ZNF695: variants seen among roughly 807,000 people sequenced by gnomAD.
ZNF695 encodes the protein zinc finger protein SBZF3.
In ZNF695, 11 loss-of-function variants were observed where a neutral mutation model predicts 11.2. The observed-to-expected ratio is 0.98, with a 90% confidence interval of 0.62 to 1.62. The LOEUF (loss-of-function observed/expected upper bound fraction) is 1.62, where lower values mean the gene tolerates loss of function less well. Ranked by LOEUF, ZNF695 falls within the 40% of genes most tolerant of loss-of-function variation. The probability of loss-of-function intolerance (pLI) is 0.00; values close to 1 mark genes in which losing one functional copy is unlikely to be tolerated. For missense variants in ZNF695, 559 were observed against 590.5 expected, an observed-to-expected ratio of 0.95 and a Z score of 0.55; for synonymous variants, 190 against 201.4, an observed-to-expected ratio of 0.94 and a Z score of 0.48.
chr1:246,953,659 C>T (rs1262080928), intron 5 of ZNF695, among the ~76,000 whole-genome samples: 1 of 151,878 alleles, frequency 6.6e-6, no homozygotes, highest in African/African-American at 2.4e-5. Context: ...CGTAGTGGCT[C>T]ACGCCTGTAT....
intron 1 of ZNF695, among the ~76,000 whole-genome samples, chr1:247,002,718 G>C (rs932188174): frequency 2.6e-5 from 4 of 152,134 alleles, no homozygotes; most frequent in African/African-American, 9.7e-5. Flanking sequence ...AGGGGGCAGA[G>C]GTTGCGGTGA....
intron 4 of ZNF695, among the ~76,000 whole-genome samples, chr1:246,978,452 C>T (rs1168522969): frequency 6.6e-6 from 1 of 152,174 alleles, no homozygotes; most frequent in Non-Finnish European, 1.5e-5. Context: ...AATTGTGGTG[C>T]TTTAATTTGC....
At chr1:247,007,350 G>T (rs1430478105) in intron 1 of ZNF695, among the ~76,000 whole-genome samples, 1 of 151,960 alleles carries the variant, frequency 6.6e-6, no homozygotes, top group Admixed American at 6.6e-5. Flanking sequence ...ACAAAAATTA[G>T]CTGGGCGTGG....
At chr1:246,963,810 C>T (rs1213327539) in intron 5 of ZNF695, among the ~76,000 whole-genome samples, 1 of 152,134 alleles carries the variant, frequency 6.6e-6, no homozygotes, top group Non-Finnish European at 1.5e-5. Context: ...ACACTATGTA[C>T]CTGGAGTTAG....
At chr1:246,991,953 T>C (rs145597209) in intron 3 of ZNF695, among the ~76,000 whole-genome samples, 2,965 of 152,080 alleles carry the variant, frequency 0.019, 107 homozygotes, top group African/African-American at 0.067. Context: ...CCCAGCACTT[T>C]GGGAGGCCGA....
chr1:246,949,443 T>C (rs1667817936), intron 5 of ZNF695, among the ~76,000 whole-genome samples: 1 of 151,920 alleles, frequency 6.6e-6, no homozygotes, highest in Admixed American at 6.6e-5. Flanking sequence ...AGACAAAAAC[T>C]AGTCGGGCAT....
At position 246,987,238 on chromosome 1, in the gene ZNF695, T is replaced by C. The variant is rs758562932; in HGVS notation, c.1277A>G (p.His426Arg). The C allele has an allele frequency of 1.2e-6, 2 of 1,614,048 alleles. No individual in the cohort carries two copies. The highest frequency in any genetic ancestry group is 1.1e-5 in the South Asian group (1 of 91,082). The change falls in exon 4 of 4, where the codon CAT becomes CGT. Residue 426 changes from histidine (H) to arginine (R), a missense_variant. Physicochemically the swap from His to Arg is conservative, Grantham distance 29 (BLOSUM62 0). Coordinates refer to ENST00000339986, the MANE Select transcript of ZNF695 (RefSeq NM_020394.5). ...AFTWFSYLTQHKRIHTGEKPY... is the reference protein window; with the variant it reads ...AFTWFSYLTQRKRIHTGEKPY... Reference sequence around the variant, plus strand: ...TTTCTCTCCAGTATGAATTCTCTTATGTTGAGTAAGGTATGAAAACCAGGT... The same window carrying C: ...TTTCTCTCCAGTATGAATTCTCTTACGTTGAGTAAGGTATGAAAACCAGGT...
At chr1:246,945,909 G>A (rs1667723011) in intron 5 of ZNF695, 2 of 1,505,274 alleles carry the variant, frequency 1.3e-6, no homozygotes, top group African/African-American at 1.4e-5. Context: ...TGTTAAACCG[G>A]TTCTGATTGA....
intron 5 of ZNF695, among the ~76,000 whole-genome samples, chr1:246,954,746 G>A (rs1667947239): frequency 6.6e-6 from 1 of 152,102 alleles, no homozygotes; most frequent in African/African-American, 2.4e-5. Context: ...ACTCTGACTT[G>A]CTATCTCTAT....
intron 1 of ZNF695, among the ~76,000 whole-genome samples, chr1:247,001,911 T>G (rs1451566869): frequency 1.3e-5 from 2 of 152,040 alleles, no homozygotes; most frequent in African/African-American, 4.8e-5. Context: ...GACTTTAACA[T>G]TCCACTGACA....
At chr1:246,963,674 T>G (rs1360318427) in intron 5 of ZNF695, among the ~76,000 whole-genome samples, 3 of 152,196 alleles carry the variant, frequency 2.0e-5, no homozygotes, top group Admixed American at 1.3e-4. Flanking sequence ...CCAACTGCTT[T>G]CTCTTCTACA....
chr1:246,987,867 T>G lies in ZNF695; in HGVS notation c.648A>C (p.Lys216Asn). 6.2e-7 allele frequency: 1 copy of G among 1,608,840 alleles called. No individual in the cohort carries two copies. Reference sequence around the variant, plus strand: ...AGCACTCATTAAAGGCTTTGCCACATTTTTTACATTGGTACGGGTTCTCTC... The same window carrying G: ...AGCACTCATTAAAGGCTTTGCCACAGTTTTTACATTGGTACGGGTTCTCTC... ...HIGENPYQCKKCGKAFNECSC... is the reference protein window; with the variant it reads ...HIGENPYQCKNCGKAFNECSC... The change falls in exon 4 of 4, where the codon AAA (lysine) becomes AAC (asparagine). Residue 216 changes from lysine to asparagine, a missense_variant. Coordinates refer to ENST00000339986, the MANE Select transcript of ZNF695 (RefSeq NM_020394.5).
chr1:246,966,320 C>G (rs1668289186), intron 5 of ZNF695, among the ~76,000 whole-genome samples: 1 of 152,142 alleles, frequency 6.6e-6, no homozygotes, highest in African/African-American at 2.4e-5. Context: ...GAAACCCCAT[C>G]TCTACTAAAT....
At chr1:247,001,331 G>A (rs1022449596) in intron 1 of ZNF695, among the ~76,000 whole-genome samples, 1 of 151,990 alleles carries the variant, frequency 6.6e-6, no homozygotes. Flanking sequence ...GGAGGCCAAA[G>A]TGGGAGACTC....
intron 5 of ZNF695, among the ~76,000 whole-genome samples, chr1:246,959,978 G>C (rs1318354310): frequency 6.6e-6 from 1 of 152,094 alleles, no homozygotes; most frequent in Non-Finnish European, 1.5e-5. Flanking sequence ...TTGGTAAGCT[G>C]CTATCTTCAT....
intron 4 of ZNF695, among the ~76,000 whole-genome samples, chr1:246,976,819 A>T (rs954616754): frequency 6.6e-6 from 1 of 152,148 alleles, no homozygotes; most frequent in Admixed American, 6.5e-5. Flanking sequence ...TAAATAAATA[A>T]CACTGAATTT....
chr1:246,962,449 G>A (rs893847459), intron 5 of ZNF695, among the ~76,000 whole-genome samples: 1 of 152,198 alleles, frequency 6.6e-6, no homozygotes, highest in East Asian at 1.9e-4. Flanking sequence ...TGTTTACCAC[G>A]TCATAAAGAT....
chr1:247,000,776 T>C (rs988523577), intron 1 of ZNF695, among the ~76,000 whole-genome samples: 3 of 152,224 alleles, frequency 2.0e-5, no homozygotes, highest in African/African-American at 7.2e-5. Flanking sequence ...AGTAGGAATC[T>C]TGTTAAAATG....
intron 3 of ZNF695, among the ~76,000 whole-genome samples, chr1:246,990,872 GA>G (rs1669011382): frequency 6.6e-6 from 1 of 152,116 alleles, no homozygotes; most frequent in African/African-American, 2.4e-5. Flanking sequence ...TGAATTAAAA[GA>G]AATTCAGGAG....
Sources: gnomAD v4.1 joint callset for allele counts (sites outside exome capture counted in the v4.1 genomes callset) on GRCh38, gnomAD v4.1.1 for gene constraint, MANE v1.5 for transcripts, NCBI Gene and HGNC (gene_info 2026-07-23, HGNC 2026-07-21) for gene names.